The following SUSD1 variants were observed in gnomAD, a reference collection of about 807,000 sequenced individuals.
The protein encoded by SUSD1 is sushi domain-containing protein 1.
Under a neutral mutation model 86.9 loss-of-function variants are expected in SUSD1, and 65 were observed. The observed-to-expected ratio is 0.75, with a 90% confidence interval of 0.61 to 0.92. The LOEUF is 0.92. SUSD1 is among the 40% of genes least tolerant of loss of function. SUSD1 has a pLI of 0.00. For synonymous variants in SUSD1, 346 were observed against 350.0 expected, an observed-to-expected ratio of 0.99 and a Z score of 0.13; for missense variants, 850 against 929.7, an observed-to-expected ratio of 0.91 and a Z score of 1.11.
At chr9:112,044,493 G>A (rs1240557365) in intron 15 of SUSD1, among the ~76,000 whole-genome samples, 2 of 152,234 alleles carry the variant, frequency 1.3e-5, no homozygotes, top group African/African-American at 4.8e-5. Flanking sequence ...CACAGAATAA[G>A]CAATAAGCAA....
At chr9:112,150,231 C>T (rs554278626) in intron 2 of SUSD1, among the ~76,000 whole-genome samples, 1 of 152,182 alleles carries the variant, frequency 6.6e-6, no homozygotes, top group African/African-American at 2.4e-5. Context: ...GGCAGCAGGT[C>T]GAACTTGGCC....
At chr9:112,109,528 T>C (rs1430980344) in intron 8 of SUSD1, among the ~76,000 whole-genome samples, 3 of 152,244 alleles carry the variant, frequency 2.0e-5, no homozygotes, top group African/African-American at 4.8e-5. Flanking sequence ...CTTGCAAATA[T>C]AATCCAATTC....
At chr9:112,097,732 A>G (rs1830458089) in intron 10 of SUSD1, among the ~76,000 whole-genome samples, 1 of 152,058 alleles carries the variant, frequency 6.6e-6, no homozygotes, top group Non-Finnish European at 1.5e-5. Flanking sequence ...CAAACTGCCC[A>G]CCCTGACCCA....
chr9:112,063,232 C>T (rs1394898759), intron 12 of SUSD1, among the ~76,000 whole-genome samples, 199 bp from the exon 13 acceptor site: 1 of 152,244 alleles, frequency 6.6e-6, no homozygotes, highest in Middle Eastern at 3.4e-3. Context: ...TATCATTCCA[C>T]TTAGATGAAA....
intron 15 of SUSD1, among the ~76,000 whole-genome samples, chr9:112,045,093 C>T (rs1345343488): frequency 2.0e-5 from 3 of 152,176 alleles, no homozygotes; most frequent in African/African-American, 4.8e-5. Context: ...GTGCATGACT[C>T]AGAAACATTT....
Position 112,124,299 on chromosome 9 carries a change from T to C in SUSD1, c.844A>G (p.Thr282Ala). The C allele has an allele frequency of 6.2e-7, 1 of 1,614,120 alleles. No individual in the cohort carries two copies. Among genetic ancestry groups the C allele is most frequent in the Admixed American group, 1.7e-5 (1 of 60,020 alleles). The change falls in exon 6 of 17, where the codon ACA becomes GCA. Residue 282 changes from threonine (T) to alanine (A), a missense_variant. By Grantham distance (58) the Thr-to-Ala change is moderately conservative. Transcript: ENST00000374270. ...CTTTCTCTCCAGGTGCCTTTCTCTGTGCAAACAGAAGTGATCTTTCCTCCA... is the reference window on the plus strand; with the variant it reads ...CTTTCTCTCCAGGTGCCTTTCTCTGCGCAAACAGAAGTGATCTTTCCTCCA... ...SPGGKITSVCTEKGTWRESTL... is the reference protein window; with the variant it reads ...SPGGKITSVCAEKGTWRESTL...
chr9:112,138,262 TATAC>T (rs1554770368), intron 5 of SUSD1, among the ~76,000 whole-genome samples: 40 of 119,948 alleles, frequency 3.3e-4, no homozygotes, highest in African/African-American at 1.2e-3. Flanking sequence ...TATATGTGTA[TATAC>T]ATATATATAT....
chr9:112,127,132 G>A (rs1831807703), intron 5 of SUSD1, among the ~76,000 whole-genome samples: 1 of 152,154 alleles, frequency 6.6e-6, no homozygotes, highest in South Asian at 2.1e-4. Flanking sequence ...AGCACTTTGG[G>A]AGGCCGAGGC....
chr9:112,056,570 T>C (rs922691798), intron 14 of SUSD1, among the ~76,000 whole-genome samples: 1 of 152,204 alleles, frequency 6.6e-6, no homozygotes. Context: ...AATTTAAATA[T>C]GTAGATCCAA....
intron 8 of SUSD1, among the ~76,000 whole-genome samples, chr9:112,109,279 T>C (rs1830988943): frequency 6.6e-6 from 1 of 152,168 alleles, no homozygotes; most frequent in African/African-American, 2.4e-5. Context: ...AAACATGATA[T>C]AAAGTATTCC....
chr9:112,156,161 T>TAAA (rs35304715), intron 2 of SUSD1, among the ~76,000 whole-genome samples: 4 of 136,986 alleles, frequency 2.9e-5, no homozygotes, highest in South Asian at 2.4e-4. Flanking sequence ...AAAATAAAGG[T>TAAA]AAAAAAAAAA....
At position 112,041,853 on chromosome 9, in the gene SUSD1, AC is replaced by A. The variant is rs750291072; in HGVS notation, c.2243+13del. The A allele has an allele frequency of 3.7e-6, 6 of 1,611,230 alleles. No homozygotes were observed. The South Asian group carries it at 4.4e-5, about 12-fold the overall frequency. Reference sequence around the variant, plus strand: ...CCATTCCAGTCATTTCTCAAAAATGACACCCTCACATACCACACCGCTGAGA... The same window carrying A: ...CCATTCCAGTCATTTCTCAAAAATGAACCCTCACATACCACACCGCTGAGA... On this transcript the variant is annotated intron_variant, in intron 16 of 16. Transcript: ENST00000374270.
intron 7 of SUSD1, among the ~76,000 whole-genome samples, chr9:112,112,328 T>C (rs941336670): frequency 1.3e-5 from 2 of 152,034 alleles, no homozygotes; most frequent in East Asian, 3.9e-4. Flanking sequence ...TAAATGACAA[T>C]GGGATCAGAA....
At chr9:112,096,744 T>G (rs571777894) in intron 10 of SUSD1, among the ~76,000 whole-genome samples, 122 of 152,280 alleles carry the variant, frequency 8.0e-4, no homozygotes, top group African/African-American at 2.9e-3. Context: ...TTCACTATGT[T>G]GCCCAGGCTG....
At chr9:112,076,268 C>T (rs1829508932) in intron 12 of SUSD1, among the ~76,000 whole-genome samples, 1 of 152,126 alleles carries the variant, frequency 6.6e-6, no homozygotes, top group Non-Finnish European at 1.5e-5. Flanking sequence ...AGCAGGAATC[C>T]AAGCAAGAGG....
intron 1 of SUSD1, among the ~76,000 whole-genome samples, chr9:112,164,060 T>C (rs1306285736): frequency 6.6e-6 from 1 of 152,094 alleles, no homozygotes; most frequent in Non-Finnish European, 1.5e-5. Context: ...AAATGGCTAT[T>C]TCATGTAACT....
rs775980701 is a variant in SUSD1, at chr9:112,078,604, T to G, written c.1687A>C (p.Asn563His). The G allele has an allele frequency of 6.2e-7, 1 of 1,614,018 alleles. No individual in the cohort carries two copies. The highest frequency in any genetic ancestry group is 8.5e-7 in the Non-Finnish European group (1 of 1,179,930). Reference sequence around the variant, plus strand: ...GAAGACAGAGCCCGGAGACTGACATTGTAGTTGGTACCCGGACGTAGGTCC... The same window carrying G: ...GAAGACAGAGCCCGGAGACTGACATGGTAGTTGGTACCCGGACGTAGGTCC... ...CLDLRPGTNY[N>H]VSLRALSSEL... The change falls in exon 12 of 17, where the codon AAT becomes CAT. Residue 563 changes from asparagine (N) to histidine (H), a missense_variant. Coordinates refer to ENST00000374270, the MANE Select transcript of SUSD1 (RefSeq NM_022486.5).
Position 112,106,179 on chromosome 9 carries a change from AG to A in SUSD1, c.1172-3895del, listed in dbSNP as rs1333713063. 3.9e-5 allele frequency among the ~76,000 whole-genome samples: 6 copies of A among 152,136 alleles called. No individual in the cohort carries two copies. In the East Asian group the frequency reaches 9.7e-4, roughly 25 times the overall value. On this transcript the variant is annotated intron_variant, in intron 8 of 16. Transcript: ENST00000374270. Reference sequence around the variant, plus strand: ...TAATTTTTGTACTTTTAGTAGAGACAGGGTTTAGCCATGTTGACCCTGGCCT... The same window carrying A: ...TAATTTTTGTACTTTTAGTAGAGACAGGTTTAGCCATGTTGACCCTGGCCT...
intron 10 of SUSD1, among the ~76,000 whole-genome samples, chr9:112,092,035 A>G (rs1830225776): frequency 6.6e-6 from 1 of 152,204 alleles, no homozygotes; most frequent in Non-Finnish European, 1.5e-5. Context: ...TTCAAGCACA[A>G]GTCCTTGTTA....
Sources: gnomAD v4.1 joint callset for allele counts (sites outside exome capture counted in the v4.1 genomes callset) on GRCh38, gnomAD v4.1.1 for gene constraint, MANE v1.5 for transcripts, NCBI Gene and HGNC (gene_info 2026-07-23, HGNC 2026-07-21) for gene names.